The following KCND3 variants were observed in gnomAD, a reference collection of about 807,000 sequenced individuals.
The protein encoded by KCND3 is potassium voltage-gated channel subfamily D member 3.
In KCND3, 9 loss-of-function variants were observed where a neutral mutation model predicts 51.1. The observed-to-expected ratio is 0.18, with a 90% CI of 0.11 to 0.31. The LOEUF (loss-of-function observed/expected upper bound fraction) is 0.31, where lower values mean the gene tolerates loss of function less well. KCND3 is among the 10% of genes least tolerant of loss of function. The pLI is 1.00. For synonymous variants in KCND3, 349 were observed against 368.0 expected (o/e 0.95, Z 0.59); for missense variants, 526 against 903.8 (o/e 0.58, Z 5.36).
At chr1:111,976,451 G>A (rs766551877) in intron 2 of KCND3, among the ~76,000 whole-genome samples, 14 of 152,134 alleles carry the variant, frequency 9.2e-5, no homozygotes, top group African/African-American at 2.7e-4. Context: ...TTCTCATATC[G>A]CCAGAAGATG....
chr1:111,945,419 C>T (rs373378274), intron 2 of KCND3, among the ~76,000 whole-genome samples: 13 of 152,214 alleles, frequency 8.5e-5, no homozygotes, highest in African/African-American at 2.7e-4. Context: ...TAACGGAGCA[C>T]TGCCAGTTTC....
intron 2 of KCND3, among the ~76,000 whole-genome samples, chr1:111,970,839 G>A (rs1404469731): frequency 6.6e-6 from 1 of 152,158 alleles, no homozygotes; most frequent in Non-Finnish European, 1.5e-5. Flanking sequence ...ATATCAACTA[G>A]GACTGGGTCA....
intron 2 of KCND3, among the ~76,000 whole-genome samples, chr1:111,811,534 C>T (rs56262294): frequency 1.8e-4 from 27 of 152,080 alleles, no homozygotes; most frequent in Non-Finnish European, 3.2e-4. Context: ...AAGGGGTGGG[C>T]GATGAAAGGA....
intron 2 of KCND3, among the ~76,000 whole-genome samples, chr1:111,966,701 G>A (rs1337100814): frequency 6.6e-6 from 1 of 152,168 alleles, no homozygotes; most frequent in Non-Finnish European, 1.5e-5. Flanking sequence ...AGTTATACCT[G>A]CCTTCCAGAA....
intron 3 of KCND3, among the ~76,000 whole-genome samples, chr1:111,783,731 C>T (rs1376341683): frequency 1.3e-5 from 2 of 152,144 alleles, no homozygotes; most frequent in Non-Finnish European, 2.9e-5. Context: ...TGCACAGTAG[C>T]TTTATTTGTA....
intron 2 of KCND3, among the ~76,000 whole-genome samples, chr1:111,879,844 G>C (rs545490225): frequency 6.6e-6 from 1 of 152,334 alleles, no homozygotes; most frequent in East Asian, 1.9e-4. Flanking sequence ...TCCAGGACAG[G>C]CTGGTGCGGT....
rs969640639 is a variant in KCND3, at chr1:111,857,705, G to C, written c.1107-70599C>G. Among the ~76,000 whole-genome samples, 9 of 150,382 alleles carry C rather than the reference G, an allele frequency of 6.0e-5. 1 individual carries two copies. In the East Asian group the frequency reaches 1.8e-3, roughly 29 times the overall value. On this transcript the variant is annotated intron_variant, in intron 2 of 7. Coordinates refer to ENST00000302127, the MANE Select transcript of KCND3 (RefSeq NM_001378969.1). ...TTCTCGGTGGAAGGTCCTCCCCAGC[G>C]CCAGGTGAACTCACTGGTCCACAGG...
chr1:111,987,052 G>C (rs1237578084), intron 1 of KCND3, among the ~76,000 whole-genome samples: 2 of 152,150 alleles, frequency 1.3e-5, no homozygotes, highest in South Asian at 2.1e-4. Context: ...AAAAGTAAGA[G>C]ATCACTGAAT....
intron 2 of KCND3, among the ~76,000 whole-genome samples, chr1:111,826,465 C>A (rs551851076): frequency 6.6e-6 from 1 of 152,186 alleles, no homozygotes; most frequent in Non-Finnish European, 1.5e-5. Context: ...GGACACGTGT[C>A]TGCTCTCATG....
chr1:111,863,087 A>T (rs1246712653), intron 2 of KCND3, among the ~76,000 whole-genome samples: 3 of 152,252 alleles, frequency 2.0e-5, no homozygotes, highest in African/African-American at 7.2e-5. Flanking sequence ...ACATTTATTG[A>T]ATTGTTACAA....
intron 2 of KCND3, among the ~76,000 whole-genome samples, chr1:111,829,812 C>A (rs979687254): frequency 6.6e-6 from 1 of 152,168 alleles, no homozygotes; most frequent in Non-Finnish European, 1.5e-5. Context: ...GATTATCCCC[C>A]CCAAATGCTT....
At chr1:111,967,666 C>T (rs552371790) in intron 2 of KCND3, among the ~76,000 whole-genome samples, 12 of 152,360 alleles carry the variant, frequency 7.9e-5, no homozygotes, top group East Asian at 3.9e-4. Context: ...GACCCCAGTG[C>T]GCTACCTTCT....
chr1:111,806,426 T>C (rs1369466036), intron 2 of KCND3, among the ~76,000 whole-genome samples: 1 of 152,238 alleles, frequency 6.6e-6, no homozygotes, highest in Non-Finnish European at 1.5e-5. Flanking sequence ...GGGAACGCTA[T>C]GGGCTTTGGG....
At chr1:111,891,683 A>G (rs1669827463) in intron 2 of KCND3, among the ~76,000 whole-genome samples, 1 of 152,210 alleles carries the variant, frequency 6.6e-6, no homozygotes, top group Non-Finnish European at 1.5e-5. Flanking sequence ...TGTCTGTCCC[A>G]CAACTAGTAT....
intron 1 of KCND3, among the ~76,000 whole-genome samples, chr1:111,985,993 T>C (rs905837522): frequency 5.3e-5 from 8 of 152,224 alleles, no homozygotes; most frequent in African/African-American, 7.2e-5. Flanking sequence ...ATGCTACTGA[T>C]AGAAGAGTCA....
chr1:111,967,227 G>A (rs1417902007), intron 2 of KCND3, among the ~76,000 whole-genome samples: 2 of 151,824 alleles, frequency 1.3e-5, no homozygotes, highest in Non-Finnish European at 2.9e-5. Flanking sequence ...TACTCAGGCA[G>A]ACCTGTTGCC....
chr1:111,955,318 G>C (rs1481144650), intron 2 of KCND3, among the ~76,000 whole-genome samples: 1 of 152,162 alleles, frequency 6.6e-6, no homozygotes, highest in African/African-American at 2.4e-5. Context: ...GGAGGCTGGG[G>C]CGAGAGGACT....
rs1490310524 is a variant in KCND3, at chr1:111,989,588, G to A, written c.-156C>T. 1.4e-5 allele frequency among the ~76,000 whole-genome samples: 2 copies of A among 148,110 alleles called. No homozygotes were observed. The highest frequency in any genetic ancestry group is 3.0e-5 in the Non-Finnish European group (2 of 66,482). ...GGCCGGGAGCCGGGGCCGCGGAGGC[G>A]CCGAGCGCCCAGCAGCGCGGGGAAG... On this transcript the variant is annotated 5_prime_UTR_variant, in exon 1 of 8. Coordinates refer to ENST00000302127, the MANE Select transcript of KCND3 (RefSeq NM_001378969.1).
intron 2 of KCND3, among the ~76,000 whole-genome samples, chr1:111,908,060 A>G (rs1178477320): frequency 6.6e-6 from 1 of 152,210 alleles, no homozygotes; most frequent in Non-Finnish European, 1.5e-5. Context: ...CCCAATGCCG[A>G]CATAACAGCT....
Sources: allele counts gnomAD v4.1 joint callset (sites outside exome capture counted in the v4.1 genomes callset), GRCh38; gene constraint gnomAD v4.1.1; transcripts MANE v1.5; gene names NCBI Gene and HGNC (gene_info 2026-07-23, HGNC 2026-07-21).